Variants in TIMM10B observed in about 807,000 individuals in gnomAD.
TIMM10B encodes translocase of inner mitochondrial membrane 10B.
TIMM10B carries 17 observed loss-of-function variants against 12.6 expected under a neutral mutation model. The ratio of observed to expected loss-of-function variants is 1.35; its 90% CI spans 0.92 to 2.03. TIMM10B has a LOEUF of 2.03. TIMM10B is among the 30% of genes most tolerant of loss of function. The pLI is 0.00. For synonymous variants in TIMM10B, 63 were observed against 51.3 expected, an observed-to-expected ratio of 1.23 and a Z score of -0.97; for missense variants, 165 against 133.3, an observed-to-expected ratio of 1.24 and a Z score of -1.17.
rs1851791092 is a variant in TIMM10B at position 6,481,816 on chromosome 11, G to T, written c.99G>T (p.Val33=). The part of the protein sequence containing the change: ...RMTELCFQRC[V]PSLHHRALDA... The stretch of plus-strand genomic sequence containing the variant: ...CAGAACTCTGCTTCCAGCGCTGTGT[G>T]CCCAGCTTGCACCACCGAGCTCTGG... Residue 33 remains valine (V), a synonymous_variant, in exon 2 of 3, where the codon GTG becomes GTT. Coordinates refer to ENST00000254616, the MANE Select transcript of TIMM10B (RefSeq NM_012192.4). The T allele has an allele frequency of 6.2e-7, 1 of 1,613,856 alleles. No homozygotes were observed. Among genetic ancestry groups the T allele is most frequent in the African/African-American group, 1.3e-5 (1 of 74,994 alleles).
chr11:6,483,699 CCT>C lies in TIMM10B; in HGVS notation c.*1479_*1480del, dbSNP rs753713195. The stretch of plus-strand genomic sequence containing the variant: ...CCATACCCCACCCTCATCAGGTGAC[CCT>C]GTTTCCTTTTTTAGAGAAATTGAAG... On this transcript the variant is annotated 3_prime_UTR_variant, in exon 3 of 3. Transcript: ENST00000254616. 5 of 152,342 alleles carry C rather than the reference CCT, an allele frequency of 3.3e-5. No individual in the cohort carries two copies. The East Asian group carries it at 9.6e-4, about 29-fold the overall frequency. The allele number at this position is 152,342 out of a possible 1,614,324, so 9.4% of individuals were successfully genotyped here.
intron 1 of TIMM10B, 38 bp downstream of exon 1, chr11:6,481,593 A>T (rs1381215289): frequency 1.3e-6 from 2 of 1,584,290 alleles, no homozygotes; most frequent in Non-Finnish European, 1.7e-6. Flanking sequence ...CCAGACGTTC[A>T]GCTCGCATTC....
In TIMM10B at chr11:6,481,753, T is replaced by C; in HGVS notation, c.40-4T>C. The C allele has an allele frequency of 6.2e-7, 1 of 1,614,090 alleles. No homozygotes were observed. Among genetic ancestry groups the C allele is most frequent in the Non-Finnish European group, 8.5e-7 (1 of 1,180,026 alleles). ...CTGAGTTTGTGGTCCCCCTTTTCTCTCAGCTGCGTGACTTCCTGTTGGTCT... is the reference window on the plus strand; with the variant it reads ...CTGAGTTTGTGGTCCCCCTTTTCTCCCAGCTGCGTGACTTCCTGTTGGTCT... On this transcript the variant is annotated splice_polypyrimidine_tract_variant and splice_region_variant and intron_variant, in intron 1 of 2. Coordinates refer to ENST00000254616, the MANE Select transcript of TIMM10B (RefSeq NM_012192.4).
rs1211240394 is a variant in TIMM10B at position 6,482,269 on chromosome 11, A to G, written c.*48A>G. 3 of 1,547,374 alleles carry G rather than the reference A, an allele frequency of 1.9e-6. No homozygotes were observed. In the South Asian group the frequency reaches 3.4e-5, roughly 18 times the overall value. ...AGGCCTTGGATGGACCCTCAGATTGAAGGACCCGGTGGACCTTGGGGTTGG... is the reference window on the plus strand; with the variant it reads ...AGGCCTTGGATGGACCCTCAGATTGGAGGACCCGGTGGACCTTGGGGTTGG... On this transcript the variant is annotated 3_prime_UTR_variant, in exon 3 of 3. Coordinates refer to ENST00000254616, the MANE Select transcript of TIMM10B (RefSeq NM_012192.4).
chr11:6,481,966 T>C, intron 2 of TIMM10B, 79 bp from the exon 3 acceptor site: 1 of 1,594,932 alleles, frequency 6.3e-7, no homozygotes, highest in Non-Finnish European at 8.6e-7. Context: ...CCCTCACCCC[T>C]AGGCTGGGCA....
rs1339290826 is a variant in TIMM10B at position 6,483,460 on chromosome 11, T to C, written c.*1239T>C. 3.3e-5 allele frequency: 5 copies of C among 152,218 alleles called. No homozygotes were observed. Among genetic ancestry groups the C allele is most frequent in the African/African-American group, 4.8e-5 (2 of 41,440 alleles). 9.4% of individuals were successfully genotyped at this position (152,218 alleles called of 1,614,324 possible). ...CACCATTGGCCATCTTTTTGTATCATTCCACTTATTCTGTCTTTTCCATTC... is the reference window on the plus strand; with the variant it reads ...CACCATTGGCCATCTTTTTGTATCACTCCACTTATTCTGTCTTTTCCATTC... On this transcript the variant is annotated 3_prime_UTR_variant, in exon 3 of 3. Coordinates refer to ENST00000254616, the MANE Select transcript of TIMM10B (RefSeq NM_012192.4).
At position 6,483,525 on chromosome 11, in the gene TIMM10B, A is replaced by G. The variant is rs1225533775; in HGVS notation, c.*1304A>G. The G allele has an allele frequency of 6.6e-6, 1 of 152,352 alleles. No individual in the cohort carries two copies. The highest frequency in any genetic ancestry group is 2.1e-4 in the South Asian group (1 of 4,834). 9.4% of individuals were successfully genotyped at this position (152,352 alleles called of 1,614,324 possible). ...CTAGAGAAAAACAGTTGTGTAATGA[A>G]TGCCACTAAATATTCAAGGCCTCCA... On this transcript the variant is annotated 3_prime_UTR_variant, in exon 3 of 3. Coordinates refer to ENST00000254616, the MANE Select transcript of TIMM10B (RefSeq NM_012192.4).
In TIMM10B at chr11:6,481,562, GA is replaced by G. The variant is rs1195986379; in HGVS notation, c.39+8del. On this transcript the variant is annotated splice_region_variant and intron_variant, in intron 1 of 2. Coordinates refer to ENST00000254616, the MANE Select transcript of TIMM10B (RefSeq NM_012192.4). ...GCAACAGCAACTGCGAAACGTAAGT[GA>G]GAACTAAGTCGTTTCGAGGCCAGAC... is the stretch of plus-strand genomic sequence containing the variant. The G allele has an allele frequency of 8.1e-6, 13 of 1,605,124 alleles. No homozygotes were observed. Among genetic ancestry groups the G allele is most frequent in the Non-Finnish European group, 1.0e-5 (12 of 1,175,980 alleles).
In TIMM10B at chr11:6,483,370, T is replaced by C. The variant is rs2134343383; in HGVS notation, c.*1149T>C. 6.6e-6 allele frequency: 1 copy of C among 152,204 alleles called. No homozygotes were observed. Among genetic ancestry groups the C allele is most frequent in the South Asian group, 2.1e-4 (1 of 4,814 alleles). 9.4% of individuals were successfully genotyped at this position (152,204 alleles called of 1,614,324 possible). ...TATTGCCTCCCCCGCCCCCCAACTT[T>C]GTGTAATTTACTTCTGTATTCAGCA... On this transcript the variant is annotated 3_prime_UTR_variant, in exon 3 of 3. Transcript: ENST00000254616.
rs1851811783 is a variant in TIMM10B at position 6,482,048 on chromosome 11, G to T, written c.139G>T (p.Ala47Ser). Residue 47 changes from alanine (A) to serine (S), a missense_variant, in exon 3 of 3, where the codon GCC (alanine) becomes TCC (serine). By Grantham distance (99) the Ala-to-Ser change is moderately conservative. Coordinates refer to ENST00000254616, the MANE Select transcript of TIMM10B (RefSeq NM_012192.4). The part of the protein sequence containing the change: ...HHRALDAEEE[A>S]CLHSCAGKLI... ...TTAAACCCTATCTTCCTTCTAGGAG[G>T]CCTGTCTGCACAGCTGTGCTGGGAA... 1 of 1,611,732 alleles carries T rather than the reference G, an allele frequency of 6.2e-7. No homozygotes were observed. Among genetic ancestry groups the T allele is most frequent in the Admixed American group, 1.7e-5 (1 of 59,932 alleles).
chr11:6,482,062 C>T lies in TIMM10B; in HGVS notation c.153C>T (p.Ser51=). ...CCTTCTAGGAGGCCTGTCTGCACAG[C>T]TGTGCTGGGAAGCTGATCCATTCCA... ...LDAEEEACLH[S]CAGKLIHSNH... Residue 51 remains serine (S), a synonymous_variant, in exon 3 of 3, where the codon AGC becomes AGT. Coordinates refer to ENST00000254616, the MANE Select transcript of TIMM10B (RefSeq NM_012192.4). The T allele has an allele frequency of 3.1e-6, 5 of 1,613,726 alleles. No homozygotes were observed. Among genetic ancestry groups the T allele is most frequent in the Non-Finnish European group, 4.2e-6 (5 of 1,179,722 alleles).
At position 6,481,521 on chromosome 11, in the gene TIMM10B, A is replaced by T. The variant is rs1564986448; in HGVS notation, c.5A>T (p.Glu2Val). The change falls in exon 1 of 3, where the codon GAG (glutamate) becomes GTG (valine). Residue 2 changes from glutamate to valine, a missense_variant. By Grantham distance (121) the Glu-to-Val change is moderately radical. Coordinates refer to ENST00000254616, the MANE Select transcript of TIMM10B (RefSeq NM_012192.4). M[E>V]RQQQQQQQLR... ...ACGGCATGCGCCGGTGGCGTGATGG[A>T]GCGGCAGCAGCAGCAGCAACAGCAA... The T allele has an allele frequency of 1.2e-6, 2 of 1,612,112 alleles. No homozygotes were observed. Among genetic ancestry groups the T allele is most frequent in the South Asian group, 1.1e-5 (1 of 90,788 alleles).
intron 2 of TIMM10B, 24 bp from the exon 3 acceptor site, chr11:6,482,021 A>T: frequency 6.2e-7 from 1 of 1,605,646 alleles, no homozygotes; most frequent in Non-Finnish European, 8.5e-7. Context: ...TTTATCCTCC[A>T]CTTAAACCCT....
chr11:6,481,946 C>T lies in TIMM10B; in HGVS notation c.135+94C>T, dbSNP rs891865054. 1.9e-6 allele frequency: 3 copies of T among 1,599,494 alleles called. No homozygotes were observed. The African/African-American group carries it at 4.0e-5, about 21-fold the overall frequency. On this transcript the variant is annotated intron_variant, in intron 2 of 2. Transcript: ENST00000254616. ...CACTTCCCGTACCTCTGGCCCTGGC[C>T]TTCCCACGACCCTCACCCCTAGGCT...
At chr11:6,481,943 G>T in intron 2 of TIMM10B, 91 bp downstream of exon 2, 1 of 1,600,436 alleles carries the variant, frequency 6.2e-7, no homozygotes. Flanking sequence ...CTCTGGCCCT[G>T]GCCTTCCCAC....
rs752954043 is a variant in TIMM10B at position 6,481,524 on chromosome 11, G to GGCA, written c.21_23dup (p.Gln10dup). The GGCA allele has an allele frequency of 1.9e-4, 304 of 1,610,380 alleles. No homozygotes were observed. The highest frequency in any genetic ancestry group is 2.4e-4 in the Non-Finnish European group (284 of 1,178,482). On this transcript the variant is annotated inframe_insertion, in exon 1 of 3. Transcript: ENST00000254616. ...GCATGCGCCGGTGGCGTGATGGAGC[G>GGCA]GCAGCAGCAGCAGCAACAGCAACTG...
In TIMM10B at chr11:6,484,515, G is replaced by A. The variant is rs1020707363; in HGVS notation, c.*2294G>A. On this transcript the variant is annotated 3_prime_UTR_variant, in exon 3 of 3. Coordinates refer to ENST00000254616, the MANE Select transcript of TIMM10B (RefSeq NM_012192.4). ...GTTGCTGACTAGGACCTTACCCACA[G>A]GGTGGCACTCTGTCCTTGGGAAATA... 1 of 152,212 alleles carries A rather than the reference G, an allele frequency of 6.6e-6. No homozygotes were observed. Among genetic ancestry groups the A allele is most frequent in the Non-Finnish European group, 1.5e-5 (1 of 68,032 alleles). The allele number at this position is 152,212 out of a possible 1,614,324, so 9.4% of individuals were successfully genotyped here.
Position 6,482,099 on chromosome 11 carries a change from A to C in TIMM10B, c.190A>C (p.Met64Leu), listed in dbSNP as rs759385880. 2.8e-5 allele frequency: 46 copies of C among 1,614,040 alleles called. No homozygotes were observed. Among genetic ancestry groups the C allele is most frequent in the Non-Finnish European group, 3.6e-5 (43 of 1,180,020 alleles). ...GKLIHSNHRL[M>L]AAYVQLMPAL... Reference sequence around the variant, plus strand: ...GCTGATCCATTCCAACCACCGCCTCATGGCCGCTTACGTGCAGCTCATGCC... The same window carrying C: ...GCTGATCCATTCCAACCACCGCCTCCTGGCCGCTTACGTGCAGCTCATGCC... Residue 64 changes from methionine (M) to leucine (L), a missense_variant, in exon 3 of 3, where the codon ATG (methionine) becomes CTG (leucine). By Grantham distance (15) the Met-to-Leu change is conservative. Coordinates refer to ENST00000254616, the MANE Select transcript of TIMM10B (RefSeq NM_012192.4).
chr11:6,481,993 C>A, intron 2 of TIMM10B, 52 bp from the exon 3 acceptor site: 1 of 1,594,718 alleles, frequency 6.3e-7, no homozygotes, highest in African/African-American at 1.3e-5. Context: ...AGAAAGGAGG[C>A]GGACCCGACA....
Sources: allele counts gnomAD v4.1 joint callset, GRCh38; gene constraint gnomAD v4.1.1; transcripts MANE v1.5; gene names NCBI Gene and HGNC (gene_info 2026-07-23, HGNC 2026-07-21).